ABLIM2: variants seen among roughly 807,000 people sequenced by gnomAD.
ABLIM2 encodes actin binding LIM protein family member 2.
In ABLIM2, 53 loss-of-function variants were observed where a neutral mutation model predicts 97.7. The observed-to-expected ratio is 0.54, with a 90% confidence interval of 0.44 to 0.68. ABLIM2 has a LOEUF of 0.68. Ranked by LOEUF, ABLIM2 falls within the 30% of genes least tolerant of loss-of-function variation. The pLI is 0.00. For synonymous variants in ABLIM2, 361 were observed against 345.8 expected, an observed-to-expected ratio of 1.04 and a Z score of -0.49; for missense variants, 835 against 867.2, an observed-to-expected ratio of 0.96 and a Z score of 0.47.
intron 4 of ABLIM2, among the ~76,000 whole-genome samples, chr4:8,081,282 C>T (rs570474544): frequency 5.3e-5 from 8 of 152,342 alleles, no homozygotes; most frequent in South Asian, 2.1e-4. Context: ...GCCATCCCTA[C>T]GGTGACTGGC....
rs976029038 is a variant in ABLIM2, at chr4:8,143,162, G to GT, written c.10+15517_10+15518insA. Reference sequence around the variant, plus strand: ...ATACTGGGAGCGGGGGCGAGAGTGGGGGGGGGGGGCGTCTGCAAATGCATC... The same window carrying GT: ...ATACTGGGAGCGGGGGCGAGAGTGGGTGGGGGGGGGCGTCTGCAAATGCATC... On this transcript the variant is annotated intron_variant, in intron 1 of 20. Transcript: ENST00000447017. Among the ~76,000 whole-genome samples the GT allele has an allele frequency of 1.1e-4, 16 of 148,522 alleles. No homozygotes were observed. The East Asian group carries it at 1.8e-3, about 16-fold the overall frequency.
In ABLIM2 at chr4:7,985,861, C is replaced by T. The variant is rs546579231; in HGVS notation, c.1681-968G>A. Among the ~76,000 whole-genome samples the T allele has an allele frequency of 1.9e-4, 29 of 152,322 alleles. No individual in the cohort carries two copies. The East Asian group carries it at 4.1e-3, about 21-fold the overall frequency. On this transcript the variant is annotated intron_variant, in intron 17 of 20. Coordinates refer to ENST00000447017, the MANE Select transcript of ABLIM2 (RefSeq NM_001130083.2). ...CCTTCTGTCCACCTGGAAGCATCAT[C>T]GACACGTCCTGCAAACCTCTATGGA...
At position 8,020,574 on chromosome 4, in the gene ABLIM2, C is replaced by G. The variant is rs563705613; in HGVS notation, c.1268-271G>C. 1.4e-4 allele frequency: 76 copies of G among 554,660 alleles called. No homozygotes were observed. The African/African-American group carries it at 1.4e-3, about 10-fold the overall frequency. The allele number at this position is 554,660 out of a possible 1,614,324, so 34.4% of individuals were successfully genotyped here. ...TGAGGGCAGAGGGCTGGGCGGTGAA[C>G]TAAGAACACCTTAGGGGGCTCACTC... On this transcript the variant is annotated intron_variant, in intron 12 of 20. Transcript: ENST00000447017.
At chr4:8,129,217 T>A (rs987064411) in intron 1 of ABLIM2, among the ~76,000 whole-genome samples, 5 of 152,278 alleles carry the variant, frequency 3.3e-5, no homozygotes, top group Admixed American at 6.5e-5. Context: ...GAGGAAACAC[T>A]CTCAATGCCA....
In ABLIM2 at chr4:8,116,393, C is replaced by T. The variant is rs555632817; in HGVS notation, c.11-9756G>A. Among the ~76,000 whole-genome samples the T allele has an allele frequency of 3.3e-5, 5 of 152,324 alleles. No individual in the cohort carries two copies. In the South Asian group the frequency reaches 1.0e-3, roughly 32 times the overall value. ...CCCCTCCAAACCCAAGGCTGGCCAC[C>T]TCCTCCTCACTCTCCGATCCCACTT... On this transcript the variant is annotated intron_variant, in intron 1 of 20. Transcript: ENST00000447017.
intron 1 of ABLIM2, among the ~76,000 whole-genome samples, chr4:8,133,982 T>C (rs1849808425): frequency 6.6e-6 from 1 of 150,766 alleles, no homozygotes; most frequent in Admixed American, 6.6e-5. Flanking sequence ...AGCTGGCAGG[T>C]TGCAGGGGGG....
chr4:8,155,582 A>C lies in ABLIM2; in HGVS notation c.10+3098T>G, dbSNP rs1457463888. On this transcript the variant is annotated intron_variant, in intron 1 of 20. Coordinates refer to ENST00000447017, the MANE Select transcript of ABLIM2 (RefSeq NM_001130083.2). This position sits in a 1 kb window ranked among gnomAD's most constrained non-coding sequence, Gnocchi z 4.2. ...GCCCCGCACCCCTGTTATGGACTGA[A>C]TTGTCTAAATTCATATGCTGAAGTC... Among the ~76,000 whole-genome samples, 2 of 152,146 alleles carry C rather than the reference A, an allele frequency of 1.3e-5. No individual in the cohort carries two copies. The highest frequency in any genetic ancestry group is 2.9e-5 in the Non-Finnish European group (2 of 68,016).
intron 6 of ABLIM2, among the ~76,000 whole-genome samples, chr4:8,062,700 A>C (rs1014501952): frequency 2.6e-5 from 4 of 151,978 alleles, no homozygotes; most frequent in Non-Finnish European, 5.9e-5. Context: ...CAGCCTCCCA[A>C]AGTGTTGGGA....
rs1800963513 is a variant in ABLIM2, at chr4:8,058,707, AG to A, written c.763+2259del. Among the ~76,000 whole-genome samples, 1 of 152,112 alleles carries A rather than the reference AG, an allele frequency of 6.6e-6. No homozygotes were observed. On this transcript the variant is annotated intron_variant, in intron 7 of 20. Transcript: ENST00000447017. The surrounding 1 kb of genome is among the most constrained non-coding windows in gnomAD (Gnocchi z 4.2). Reference sequence around the variant, plus strand: ...GCTCCTCTGAACCCTCTTCTCAATTAGGCCTCGAACTTTGCCCAGGTCTCCA... The same window carrying A: ...GCTCCTCTGAACCCTCTTCTCAATTAGCCTCGAACTTTGCCCAGGTCTCCA...
chr4:8,158,772 C>G lies in ABLIM2; in HGVS notation c.-83G>C. 8.2e-7 allele frequency: 1 copy of G among 1,222,448 alleles called. No homozygotes were observed. Among genetic ancestry groups the G allele is most frequent in the Non-Finnish European group, 1.0e-6 (1 of 971,794 alleles). The allele number at this position is 1,222,448 out of a possible 1,614,324, so 75.7% of individuals were successfully genotyped here. Reference sequence around the variant, plus strand: ...CCGCAGGTGCCGCGCCCGCGCTATCCTCCGCCCGCCCGCCGGCTCCGCGCC... The same window carrying G: ...CCGCAGGTGCCGCGCCCGCGCTATCGTCCGCCCGCCCGCCGGCTCCGCGCC... On this transcript the variant is annotated 5_prime_UTR_variant, in exon 1 of 21. Coordinates refer to ENST00000447017, the MANE Select transcript of ABLIM2 (RefSeq NM_001130083.2).
At chr4:8,137,183 C>T (rs937682242) in intron 1 of ABLIM2, among the ~76,000 whole-genome samples, 12 of 152,222 alleles carry the variant, frequency 7.9e-5, no homozygotes, top group African/African-American at 2.4e-4. Context: ...CTGACTCATA[C>T]ACTGACCTGG....
At chr4:8,020,869 T>TTTTG (rs1316037068) in intron 12 of ABLIM2, 3 of 112,390 alleles carry the variant, frequency 2.7e-5, no homozygotes, top group African/African-American at 1.1e-4. Flanking sequence ...TTTTTTTTTT[T>TTTTG]GGGACAGTGT....
At chr4:7,984,551 G>A (rs1450456349) in intron 18 of ABLIM2, among the ~76,000 whole-genome samples, 1 of 152,272 alleles carries the variant, frequency 6.6e-6, no homozygotes. Context: ...CCTTGTGCCT[G>A]TGACTCTGCT....
At chr4:8,030,661 C>G (rs552059571) in intron 10 of ABLIM2, among the ~76,000 whole-genome samples, 4 of 152,342 alleles carry the variant, frequency 2.6e-5, no homozygotes, top group African/African-American at 9.6e-5. Context: ...CCTTTGGCGA[C>G]TGTCTAACCC....
chr4:8,100,449 A>T (rs929681132), intron 2 of ABLIM2, among the ~76,000 whole-genome samples: 2 of 152,142 alleles, frequency 1.3e-5, no homozygotes, highest in Admixed American at 1.3e-4. Flanking sequence ...TGGCTGTAAG[A>T]AATCAGTGAG....
chr4:8,153,698 T>C (rs1713914671), intron 1 of ABLIM2, among the ~76,000 whole-genome samples: 2 of 151,944 alleles, frequency 1.3e-5, no homozygotes, highest in African/African-American at 2.4e-5. Context: ...GATGGGTTTC[T>C]ACCAGCGCTG....
rs767711037 is a variant in ABLIM2 at position 8,005,428 on chromosome 4, C to A, written c.1618+2631G>T. On this transcript the variant is annotated intron_variant, in intron 16 of 20. Transcript: ENST00000447017. This position sits in a 1 kb window ranked among gnomAD's most constrained non-coding sequence, Gnocchi z 4.9. Reference sequence around the variant, plus strand: ...CTTGGGCGCGCTACAGATGGACGTCCCGGGGTGCAGGTGGCGTGCCTTGCT... The same window carrying A: ...CTTGGGCGCGCTACAGATGGACGTCACGGGGTGCAGGTGGCGTGCCTTGCT... 8 of 533,352 alleles carry A rather than the reference C, an allele frequency of 1.5e-5. No individual in the cohort carries two copies. The highest frequency in any genetic ancestry group is 1.1e-4 in the South Asian group (8 of 71,532). 33.0% of individuals were successfully genotyped at this position (533,352 alleles called of 1,614,324 possible).
rs1712442560 is a variant in ABLIM2, at chr4:8,150,867, C to T, written c.10+7813G>A. Among the ~76,000 whole-genome samples the T allele has an allele frequency of 6.6e-6, 1 of 152,148 alleles. No homozygotes were observed. Among genetic ancestry groups the T allele is most frequent in the African/African-American group, 2.4e-5 (1 of 41,432 alleles). ...GAGAAGGGGAGGGGAAGCTATGAAC[C>T]CAGCCTAGGGTGTGGCTGATGATGC... On this transcript the variant is annotated intron_variant, in intron 1 of 20. Coordinates refer to ENST00000447017, the MANE Select transcript of ABLIM2 (RefSeq NM_001130083.2). This position sits in a 1 kb window ranked among gnomAD's most constrained non-coding sequence, Gnocchi z 6.3.
chr4:8,062,660 C>T (rs900794214), intron 6 of ABLIM2, among the ~76,000 whole-genome samples: 6 of 151,976 alleles, frequency 3.9e-5, no homozygotes, highest in African/African-American at 9.7e-5. Context: ...AGGATGGTCT[C>T]GATCTCCTGA....
Sources: allele counts gnomAD v4.1 joint callset (sites outside exome capture counted in the v4.1 genomes callset), GRCh38; gene constraint gnomAD v4.1.1; non-coding constraint Gnocchi (gnomAD v3.1); transcripts MANE v1.5; gene names NCBI Gene and HGNC (gene_info 2026-07-23, HGNC 2026-07-21).